The following PPP3CA variants were observed in gnomAD, a reference collection of about 807,000 sequenced individuals.
PPP3CA encodes the protein CAM-PRP catalytic subunit.
PPP3CA carries 14 observed loss-of-function variants against 66.5 expected under a neutral mutation model. The ratio of observed to expected loss-of-function variants is 0.21; its 90% confidence interval spans 0.14 to 0.33. The LOEUF is 0.33. Among genes scored for constraint, PPP3CA ranks in the 10% least tolerant of loss-of-function variants. The pLI, the probability that PPP3CA is intolerant of heterozygous loss-of-function variation, is 1.00. For missense variants in PPP3CA, 317 were observed against 639.5 expected, an observed-to-expected ratio of 0.50 and a Z score of 5.44; for synonymous variants, 232 against 226.2, an observed-to-expected ratio of 1.03 and a Z score of -0.23.
At chr4:101,200,796 T>C (rs1209248433) in intron 1 of PPP3CA, among the ~76,000 whole-genome samples, 1 of 152,136 alleles carries the variant, frequency 6.6e-6, no homozygotes, top group African/African-American at 2.4e-5. Flanking sequence ...TAAAAGGAAG[T>C]GAAGTCCAGA....
chr4:101,031,578 T>C (rs1678961586), intron 12 of PPP3CA, among the ~76,000 whole-genome samples: 1 of 152,196 alleles, frequency 6.6e-6, no homozygotes, highest in Admixed American at 6.5e-5. Flanking sequence ...ATATTCCCTA[T>C]ATGCTCAACA....
intron 2 of PPP3CA, among the ~76,000 whole-genome samples, chr4:101,160,124 G>A (rs932156780): frequency 3.3e-5 from 5 of 152,138 alleles, no homozygotes; most frequent in East Asian, 3.9e-4. Flanking sequence ...GTTGGTGCAC[G>A]CCTGCTACAT....
At position 101,336,453 on chromosome 4, in the gene PPP3CA, T is replaced by A. The variant is rs556200046; in HGVS notation, c.58+10286A>T. On this transcript the variant is annotated intron_variant, in intron 1 of 13. Coordinates refer to ENST00000394854, the MANE Select transcript of PPP3CA (RefSeq NM_000944.5). ...CAGGCATGGTGGCGCATGCCTGTAGTCCCAGTTACTGGGGAGACTGAGGCA... is the reference window on the plus strand; with the variant it reads ...CAGGCATGGTGGCGCATGCCTGTAGACCCAGTTACTGGGGAGACTGAGGCA... Among the ~76,000 whole-genome samples the A allele has an allele frequency of 9.9e-5, 15 of 151,758 alleles. No individual in the cohort carries two copies. The East Asian group carries it at 2.7e-3, about 28-fold the overall frequency.
chr4:101,071,371 C>T (rs1312493511), intron 8 of PPP3CA, among the ~76,000 whole-genome samples: 1 of 152,158 alleles, frequency 6.6e-6, no homozygotes, highest in Admixed American at 6.6e-5. Context: ...TTATGACAGA[C>T]TTTTTGACAC....
chr4:101,068,333 A>C (rs1728768935), intron 8 of PPP3CA, among the ~76,000 whole-genome samples: 2 of 152,218 alleles, frequency 1.3e-5, no homozygotes, highest in Admixed American at 1.3e-4. Context: ...AACTAGCATC[A>C]GTGTGTTCTT....
chr4:101,061,547 T>C (rs182283243), intron 9 of PPP3CA, among the ~76,000 whole-genome samples: 269 of 152,248 alleles, frequency 1.8e-3, no homozygotes, highest in Non-Finnish European at 1.2e-3. Flanking sequence ...GGACTAAGAA[T>C]GATGATTTTT....
intron 1 of PPP3CA, among the ~76,000 whole-genome samples, chr4:101,308,333 T>A (rs998609102): frequency 6.6e-6 from 1 of 152,196 alleles, no homozygotes; most frequent in Non-Finnish European, 1.5e-5. Context: ...AGGAGAAACT[T>A]CTCTATGAAA....
At chr4:101,098,332 C>A (rs377143526) in intron 5 of PPP3CA, 35 bp downstream of exon 5, 14 of 1,564,530 alleles carry the variant, frequency 8.9e-6, no homozygotes, top group Middle Eastern at 1.7e-4. Flanking sequence ...CTGTAGCGCA[C>A]AAAATGATTA....
chr4:101,105,043 A>G (rs1183139677), intron 3 of PPP3CA, among the ~76,000 whole-genome samples: 1 of 152,200 alleles, frequency 6.6e-6, no homozygotes. Context: ...TTTCAAAAGG[A>G]GCATACTAAA....
chr4:101,155,662 A>G (rs570029279), intron 2 of PPP3CA, among the ~76,000 whole-genome samples: 1 of 123,306 alleles, frequency 8.1e-6, no homozygotes, highest in Non-Finnish European at 1.6e-5. Flanking sequence ...AGGAATTGTT[A>G]AGCTTAAAAG....
At chr4:101,136,621 C>T (rs1722631068) in intron 2 of PPP3CA, among the ~76,000 whole-genome samples, 1 of 151,544 alleles carries the variant, frequency 6.6e-6, no homozygotes, top group African/African-American at 2.4e-5. Context: ...GCTGGACTTC[C>T]TTGTTTGATG....
chr4:101,049,758 A>G (rs539668814), intron 10 of PPP3CA, among the ~76,000 whole-genome samples: 19 of 152,280 alleles, frequency 1.2e-4, no homozygotes, highest in Non-Finnish European at 2.2e-4. Flanking sequence ...AAGTGAAGGG[A>G]GAAAACAAAC....
chr4:101,173,027 G>C (rs1723935437), intron 2 of PPP3CA, among the ~76,000 whole-genome samples: 1 of 152,088 alleles, frequency 6.6e-6, no homozygotes, highest in Non-Finnish European at 1.5e-5. Context: ...TGTACACGGA[G>C]CTCCACAAGC....
chr4:101,258,152 T>G (rs1335226944), intron 1 of PPP3CA, among the ~76,000 whole-genome samples: 1 of 152,056 alleles, frequency 6.6e-6, no homozygotes, highest in Non-Finnish European at 1.5e-5. Context: ...ACACTAAATC[T>G]GAAGTATAAA....
intron 1 of PPP3CA, among the ~76,000 whole-genome samples, chr4:101,211,768 T>C (rs1415631779): frequency 6.6e-6 from 1 of 152,158 alleles, no homozygotes; most frequent in African/African-American, 2.4e-5. Context: ...TCCTCTGCCT[T>C]TACTCTTTAA....
intron 1 of PPP3CA, among the ~76,000 whole-genome samples, chr4:101,245,655 C>T (rs1300171626): frequency 1.3e-5 from 2 of 151,982 alleles, no homozygotes; most frequent in Non-Finnish European, 2.9e-5. Flanking sequence ...TAAATAGATC[C>T]TCTAAATCCT....
chr4:101,120,879 T>C (rs2110273030), intron 2 of PPP3CA, among the ~76,000 whole-genome samples: 1 of 152,148 alleles, frequency 6.6e-6, no homozygotes, highest in African/African-American at 2.4e-5. Context: ...ATTTTGAAAA[T>C]TTACATATGT....
At chr4:101,318,921 G>A (rs1267581747) in intron 1 of PPP3CA, among the ~76,000 whole-genome samples, 2 of 152,064 alleles carry the variant, frequency 1.3e-5, no homozygotes, top group Non-Finnish European at 2.9e-5. Context: ...ATAGCTTGGA[G>A]ATTCCCACTT....
intron 2 of PPP3CA, among the ~76,000 whole-genome samples, chr4:101,170,572 A>G (rs1226551926): frequency 6.6e-6 from 1 of 152,166 alleles, no homozygotes; most frequent in Non-Finnish European, 1.5e-5. Flanking sequence ...GTGAAAAAAA[A>G]AAATAACAAC....
Sources: gnomAD v4.1 joint callset for allele counts (sites outside exome capture counted in the v4.1 genomes callset) on GRCh38, gnomAD v4.1.1 for gene constraint, MANE v1.5 for transcripts, NCBI Gene and HGNC (gene_info 2026-07-23, HGNC 2026-07-21) for gene names.